Variants in LVRN observed in about 807,000 individuals in gnomAD.
The protein encoded by LVRN is laeverin.
LVRN carries 99 observed loss-of-function variants against 111.4 expected under a neutral mutation model. The ratio of observed to expected loss-of-function variants is 0.89; its 90% CI spans 0.76 to 1.05. LVRN has a LOEUF of 1.05. Among genes scored for constraint, LVRN ranks in the 50% least tolerant of loss-of-function variants. The pLI is 0.00. For missense variants in LVRN, 1,414 were observed against 1,206.8 expected, an observed-to-expected ratio of 1.17 and a Z score of -2.54; for synonymous variants, 488 against 449.5, an observed-to-expected ratio of 1.09 and a Z score of -1.08.
At chr5:115,993,984 A>C (rs1748052043) in intron 6 of LVRN, 130 bp downstream of exon 6, 2 of 509,854 alleles carry the variant, frequency 3.9e-6, no homozygotes, top group Admixed American at 8.3e-5. Flanking sequence ...ACCAAAAATA[A>C]TTTGTGTTAG....
chr5:115,968,759 A>G (rs551909041), intron 1 of LVRN, among the ~76,000 whole-genome samples: 1 of 152,224 alleles, frequency 6.6e-6, no homozygotes, highest in Admixed American at 6.5e-5. Context: ...CCTCAGACAA[A>G]TTTTTCTATG....
chr5:116,014,174 G>T (rs1561568805), intron 15 of LVRN, among the ~76,000 whole-genome samples: 2 of 152,156 alleles, frequency 1.3e-5, no homozygotes, highest in Non-Finnish European at 2.9e-5. Context: ...GCAGTAATTT[G>T]TTTCTAACTT....
rs1299913411 is a variant in LVRN at position 116,001,372 on chromosome 5, G to A, written c.1820+133G>A. ...CTTCTGCAATGTGACTGTGTACTAG[G>A]GTGAAGCAGAGCCCTTGTGTCCGGG... On this transcript the variant is annotated intron_variant, in intron 10 of 19. Coordinates refer to ENST00000357872, the MANE Select transcript of LVRN (RefSeq NM_173800.5). 2.8e-6 allele frequency: 3 copies of A among 1,059,970 alleles called. No homozygotes were observed. In the East Asian group the frequency reaches 7.5e-5, roughly 27 times the overall value. The allele number at this position is 1,059,970 out of a possible 1,614,324, so 65.7% of individuals were successfully genotyped here.
At position 116,015,866 on chromosome 5, in the gene LVRN, G is replaced by A. The variant is rs2112635382; in HGVS notation, c.2756+101G>A. ...GGAAGCTCAGCTTTAGTCTAGCTAG[G>A]CCACAAACGTCCTTTGCATTGACTA... On this transcript the variant is annotated intron_variant, in intron 18 of 19. Coordinates refer to ENST00000357872, the MANE Select transcript of LVRN (RefSeq NM_173800.5). The A allele has an allele frequency of 4.3e-6, 6 of 1,402,098 alleles. No individual in the cohort carries two copies. The East Asian group carries it at 7.2e-5, about 17-fold the overall frequency. The allele number at this position is 1,402,098 out of a possible 1,614,324, so 86.9% of individuals were successfully genotyped here. A position where few individuals can be genotyped will look rare whatever the true frequency, so the allele number is the denominator to read the frequency against.
At position 115,963,282 on chromosome 5, in the gene LVRN, T is replaced by C; in HGVS notation, c.665T>C (p.Leu222Pro). Residue 222 changes from leucine to proline, a missense_variant, in exon 1 of 20, where the codon CTC (leucine) becomes CCC (proline). Leu to Pro is a moderately conservative substitution (Grantham distance 98). Coordinates refer to ENST00000357872, the MANE Select transcript of LVRN (RefSeq NM_173800.5). Reference protein sequence around the residue: ...VKEDLREGLFLNVYTDQGERR... With the variant: ...VKEDLREGLFPNVYTDQGERR... ...GAAGACCTCAGGGAGGGACTCTTCC[T>C]CAACGTCTACACCGACCAGGGCGAG... The C allele has an allele frequency of 6.2e-7, 1 of 1,612,016 alleles. No individual in the cohort carries two copies. The highest frequency in any genetic ancestry group is 2.2e-5 in the East Asian group (1 of 44,844).
intron 1 of LVRN, among the ~76,000 whole-genome samples, chr5:115,972,905 A>T (rs138164559): frequency 0.012 from 1,861 of 150,814 alleles, 38 homozygotes; most frequent in African/African-American, 0.043. Context: ...AATTACATTG[A>T]TTTTCTAATG....
chr5:115,962,983 C>A lies in LVRN; in HGVS notation c.366C>A (p.Ala122=), dbSNP rs1397255134. The change falls in exon 1 of 20, where the codon GCC becomes GCA. Residue 122 remains alanine (A), a synonymous_variant. Transcript: ENST00000357872. ...AGCTGAGGCCCGACGAGCTTCCGGC[C>A]GGGTCTTTGCCCTTCACTGGCCGCG... ...WPQLRPDELP[A]GSLPFTGRVN... 6.2e-7 allele frequency: 1 copy of A among 1,613,518 alleles called. No individual in the cohort carries two copies. Among genetic ancestry groups the A allele is most frequent in the African/African-American group, 1.3e-5 (1 of 75,046 alleles).
chr5:116,000,795 T>A, intron 9 of LVRN, 137 bp downstream of exon 9: 1 of 918,420 alleles, frequency 1.1e-6, no homozygotes, highest in Non-Finnish European at 1.6e-6. Context: ...AGGTCATGGG[T>A]AGTGTCTTTA....
intron 15 of LVRN, among the ~76,000 whole-genome samples, chr5:116,013,736 C>T (rs923623852): frequency 6.6e-6 from 1 of 152,272 alleles, no homozygotes; most frequent in South Asian, 2.1e-4. Flanking sequence ...ATTTGGGTTT[C>T]TTTACCCTGA....
At chr5:116,019,212 A>T (rs1055926857) in intron 18 of LVRN, among the ~76,000 whole-genome samples, 10 of 151,764 alleles carry the variant, frequency 6.6e-5, no homozygotes, top group African/African-American at 2.4e-4. Flanking sequence ...GTATTTAAAC[A>T]TATCTAAACA....
rs138606999 is a variant in LVRN at position 116,001,082 on chromosome 5, A to G, written c.1663A>G (p.Ser555Gly). Residue 555 changes from serine (S) to glycine (G), a missense_variant, in exon 10 of 20, where the codon AGT becomes GGT. Physicochemically the swap from Ser to Gly is moderately conservative, Grantham distance 56 (BLOSUM62 0). Transcript: ENST00000357872. Reference sequence around the variant, plus strand: ...TTTAAAACAGGCCATAGATGACCAGAGTACAGTTATTTTGCCAGCAACAAT... The same window carrying G: ...TTTAAAACAGGCCATAGATGACCAGGGTACAGTTATTTTGCCAGCAACAAT... ...RHFQMAIDDQ[S>G]TVILPATIKN... is the part of the protein sequence containing the mutation. The G allele has an allele frequency of 5.8e-5, 93 of 1,608,706 alleles. No individual in the cohort carries two copies. Among genetic ancestry groups the G allele is most frequent in the Non-Finnish European group, 7.3e-5 (86 of 1,178,648 alleles).
chr5:115,992,352 C>T, intron 5 of LVRN, 75 bp downstream of exon 5: 2 of 1,490,128 alleles, frequency 1.3e-6, no homozygotes, highest in South Asian at 2.3e-5. Context: ...CATAAAAACC[C>T]CAGTAAGACC....
At chr5:116,021,771 T>C (rs1166004000) in intron 18 of LVRN, 2 of 441,180 alleles carry the variant, frequency 4.5e-6, no homozygotes, top group African/African-American at 4.1e-5. Flanking sequence ...CTGCTGTTTT[T>C]TCATAGCAAT....
chr5:115,984,489 G>C, intron 2 of LVRN, 81 bp from the exon 3 acceptor site: 2 of 1,502,540 alleles, frequency 1.3e-6, no homozygotes, highest in South Asian at 2.5e-5. Flanking sequence ...GTAGCTGGGT[G>C]ACAATTGACT....
intron 1 of LVRN, among the ~76,000 whole-genome samples, chr5:115,982,735 C>T (rs144103220): frequency 6.6e-6 from 1 of 152,154 alleles, no homozygotes; most frequent in East Asian, 1.9e-4. Flanking sequence ...GATTTGATAC[C>T]TTTACCCATA....
chr5:116,016,166 T>C (rs553858960), intron 18 of LVRN, among the ~76,000 whole-genome samples: 4 of 152,328 alleles, frequency 2.6e-5, no homozygotes, highest in African/African-American at 7.2e-5. Flanking sequence ...AGCAGTTTTG[T>C]TCAATTTTGC....
In LVRN at chr5:115,963,374, C is replaced by A. The variant is rs371885233; in HGVS notation, c.695+62C>A. The A allele has an allele frequency of 6.3e-5, 88 of 1,391,026 alleles. No individual in the cohort carries two copies. In the East Asian group the frequency reaches 1.8e-3, roughly 28 times the overall value. The allele number at this position is 1,391,026 out of a possible 1,614,324, so 86.2% of individuals were successfully genotyped here. Reference sequence around the variant, plus strand: ...CGCCCCTGCGTCCCGGTGCAGGCTGCGGGTCCAGCTGACTACCGTGTCCAG... The same window carrying A: ...CGCCCCTGCGTCCCGGTGCAGGCTGAGGGTCCAGCTGACTACCGTGTCCAG... On this transcript the variant is annotated intron_variant, in intron 1 of 19. Coordinates refer to ENST00000357872, the MANE Select transcript of LVRN (RefSeq NM_173800.5).
intron 1 of LVRN, among the ~76,000 whole-genome samples, chr5:115,980,901 T>C (rs1207941579): frequency 1.3e-5 from 2 of 152,170 alleles, no homozygotes; most frequent in Non-Finnish European, 2.9e-5. Context: ...ACTCATGGGC[T>C]CTTTTTCCAT....
chr5:116,016,011 A>T (rs1330178033), intron 18 of LVRN, among the ~76,000 whole-genome samples: 1 of 152,220 alleles, frequency 6.6e-6, no homozygotes, highest in Non-Finnish European at 1.5e-5. Context: ...ACAACATGCC[A>T]TACTCATAAA....
Sources: gnomAD v4.1 joint callset for allele counts (sites outside exome capture counted in the v4.1 genomes callset) on GRCh38, gnomAD v4.1.1 for gene constraint, MANE v1.5 for transcripts, NCBI Gene and HGNC (gene_info 2026-07-23, HGNC 2026-07-21) for gene names.